The following COL6A1 variants were observed in gnomAD, a reference collection of about 807,000 sequenced individuals.
The protein encoded by COL6A1 is collagen alpha-1(VI) chain.
In COL6A1, 80 loss-of-function variants were observed where a neutral mutation model predicts 145.6. The ratio of observed to expected loss-of-function variants is 0.55; its 90% confidence interval spans 0.46 to 0.66. The LOEUF (loss-of-function observed/expected upper bound fraction) is 0.66. COL6A1 is among the 30% of genes least tolerant of loss of function. The pLI, the probability that COL6A1 is intolerant of heterozygous loss-of-function variation, is 0.00. For synonymous variants in COL6A1, 638 were observed against 622.8 expected, an observed-to-expected ratio of 1.02 and a Z score of -0.36; for missense variants, 1,364 against 1,473.8, an observed-to-expected ratio of 0.93 and a Z score of 1.22.
chr21:45,994,123 C>T lies in COL6A1; in HGVS notation c.1336-44C>T. On this transcript the variant is annotated intron_variant, in intron 19 of 34. Coordinates refer to ENST00000361866, the MANE Select transcript of COL6A1 (RefSeq NM_001848.3). The surrounding 1 kb of genome is among the most constrained non-coding windows in gnomAD (Gnocchi z 6.8). The stretch of plus-strand genomic sequence containing the variant: ...CAGCGTGCCCGGGCAGCCATCCTCC[C>T]CAAGGATGGCCCAGCTCCACACTCA... 6.4e-7 allele frequency: 1 copy of T among 1,563,902 alleles called. No homozygotes were observed. The highest frequency in any genetic ancestry group is 8.7e-7 in the Non-Finnish European group (1 of 1,152,142).
rs559158458 is a variant in COL6A1, at chr21:45,986,661, G to A, written c.564G>A (p.Ser188=). Residue 188 remains serine, a synonymous_variant, in exon 4 of 35, where the codon TCG becomes TCA. Coordinates refer to ENST00000361866, the MANE Select transcript of COL6A1 (RefSeq NM_001848.3). ...EAKHLGVKVF[S]VAITPDHLEP... is the part of the protein sequence containing the mutation. ...AGCACCTGGGCGTCAAAGTCTTCTC[G>A]GTGGCCATCACACCCGACCACCTGG... 11 of 1,549,904 alleles carry A rather than the reference G, an allele frequency of 7.1e-6. No homozygotes were observed. The highest frequency in any genetic ancestry group is 1.4e-5 in the African/African-American group (1 of 73,130).
rs776053111 is a variant in COL6A1 at position 46,003,655 on chromosome 21, T to G, written c.2729T>G (p.Ile910Ser). The change falls in exon 35 of 35, where the codon ATC becomes AGC. Residue 910 changes from isoleucine (I) to serine (S), a missense_variant. By Grantham distance (142) the Ile-to-Ser change is moderately radical. Coordinates refer to ENST00000361866, the MANE Select transcript of COL6A1 (RefSeq NM_001848.3). ...AGTGCCGTCGATGCCATGGACTTTATCAACGACGCCACCGACGTCAACGAT... is the reference window on the plus strand; with the variant it reads ...AGTGCCGTCGATGCCATGGACTTTAGCAACGACGCCACCGACGTCAACGAT... ...LASAVDAMDF[I>S]NDATDVNDAL... is the part of the protein sequence containing the mutation. 3.7e-6 allele frequency: 6 copies of G among 1,613,040 alleles called. No homozygotes were observed. The highest frequency in any genetic ancestry group is 5.1e-6 in the Non-Finnish European group (6 of 1,179,932).
At chr21:45,985,329 G>T (rs552413814) in intron 3 of COL6A1, among the ~76,000 whole-genome samples, 16 of 151,546 alleles carry the variant, frequency 1.1e-4, no homozygotes, top group African/African-American at 3.1e-4. Flanking sequence ...GATAGAAGCA[G>T]AGAGAGAGAG....
intron 33 of COL6A1, 82 bp from the exon 34 acceptor site, chr21:46,003,038 G>A (rs528754609): frequency 1.4e-4 from 230 of 1,603,454 alleles, no homozygotes; most frequent in Non-Finnish European, 1.7e-4. Flanking sequence ...CCCTGTGCTC[G>A]GCCGGGAGGT....
At chr21:45,995,842 C>T (rs985402870) in intron 20 of COL6A1, among the ~76,000 whole-genome samples, 2 of 152,210 alleles carry the variant, frequency 1.3e-5, no homozygotes, top group African/African-American at 4.8e-5. Context: ...CCTGGAGCCT[C>T]CCTGGGGCCT....
In COL6A1 at chr21:45,992,995, T is replaced by C. The variant is rs116133651; in HGVS notation, c.1335+185T>C. ...AGCCGGCGCCCAGCCATGTGCCTGA[T>C]GCTGGGACCTGTTTCATGTGAAGGC... On this transcript the variant is annotated intron_variant, in intron 19 of 34. Coordinates refer to ENST00000361866, the MANE Select transcript of COL6A1 (RefSeq NM_001848.3). 0.017 allele frequency among the ~76,000 whole-genome samples: 2,575 copies of C among 152,348 alleles called. 75 individuals carry two copies. Among genetic ancestry groups the C allele is most frequent in the African/African-American group, 0.059 (2,434 of 41,578 alleles).
In COL6A1 at chr21:45,994,149, C is replaced by T. The variant is rs201516559; in HGVS notation, c.1336-18C>T. The T allele has an allele frequency of 4.8e-5, 77 of 1,589,196 alleles. No homozygotes were observed. The highest frequency in any genetic ancestry group is 2.1e-4 in the East Asian group (9 of 43,792). On this transcript the variant is annotated intron_variant, in intron 19 of 34. Transcript: ENST00000361866. This position sits in a 1 kb window ranked among gnomAD's most constrained non-coding sequence, Gnocchi z 6.8. ...CAAGGATGGCCCAGCTCCACACTCA[C>T]GGCTCGTTTCTCTTCAGGGTGAAGC...
chr21:45,997,862 CG>C, intron 22 of COL6A1, 100 bp downstream of exon 22: 2 of 1,375,950 alleles, frequency 1.5e-6, no homozygotes, highest in Non-Finnish European at 2.0e-6. Context: ...GGTCCCTGAC[CG>C]GGCCGGGAGT....
intron 29 of COL6A1, chr21:46,001,026 A>G (rs1434323981): frequency 4.2e-6 from 3 of 710,142 alleles, no homozygotes; most frequent in South Asian, 3.6e-5. Context: ...TCTGGCCCAC[A>G]GGCCCCACCC....
rs1438456346 is a variant in COL6A1 at position 45,989,780 on chromosome 21, T to C, written c.930+2T>C. 1.2e-6 allele frequency: 2 copies of C among 1,612,554 alleles called. No individual in the cohort carries two copies. Among genetic ancestry groups the C allele is most frequent in the Non-Finnish European group, 1.7e-6 (2 of 1,179,948 alleles). On this transcript the variant is annotated splice_donor_variant, in intron 11 of 34. Coordinates refer to ENST00000361866, the MANE Select transcript of COL6A1 (RefSeq NM_001848.3). LOFTEE classifies it high-confidence loss of function. ...GAAAAAGGGAGCCGTGGGGAGAAGG[T>C]GAGTGAGGCTCGACCTCGGAGCTGG...
rs140547835 is a variant in COL6A1, at chr21:46,002,700, G to T, written c.2424G>T (p.Gln808His). The change falls in exon 33 of 35, where the codon CAG becomes CAT. Residue 808 changes from glutamine to histidine, a missense_variant. By Grantham distance (24) the Gln-to-His change is conservative (BLOSUM62 0). Coordinates refer to ENST00000361866, the MANE Select transcript of COL6A1 (RefSeq NM_001848.3). Reference protein sequence around the residue: ...EDAFLKNVTAQICIDKKCPDY... With the variant: ...EDAFLKNVTAHICIDKKCPDY... ...CCTTCCTGAAGAATGTCACCGCCCA[G>T]ATCTGCATAGGTGCGCATGGGGCCA... The T allele has an allele frequency of 5.5e-3, 8,919 of 1,611,966 alleles. 336 individuals carry two copies. In the Admixed American group the frequency reaches 0.063, roughly 11 times the overall value.
chr21:45,987,705 G>T lies in COL6A1; in HGVS notation c.804+51G>T, dbSNP rs775067232. On this transcript the variant is annotated intron_variant, in intron 8 of 34. Coordinates refer to ENST00000361866, the MANE Select transcript of COL6A1 (RefSeq NM_001848.3). ...ATGTGTTGTGGGGCCTGGGAGTGGG[G>T]GTGGCAGGACCAAAGCCTCCTGGGC... is the stretch of plus-strand genomic sequence containing the variant. 3.8e-6 allele frequency: 6 copies of T among 1,572,000 alleles called. No individual in the cohort carries two copies. In the African/African-American group the frequency reaches 8.1e-5, roughly 21 times the overall value.
chr21:46,004,087 A>T lies in COL6A1; in HGVS notation c.*74A>T. ...TCATCACTAAACAGAGTAAAATGTG[A>T]TGCGAATTTTCCCGACCAACCTGAT... is the stretch of plus-strand genomic sequence containing the variant. On this transcript the variant is annotated 3_prime_UTR_variant, in exon 35 of 35. Transcript: ENST00000361866. 6.4e-7 allele frequency: 1 copy of T among 1,568,734 alleles called. No individual in the cohort carries two copies. The highest frequency in any genetic ancestry group is 2.3e-5 in the East Asian group (1 of 44,202).
chr21:45,996,085 T>C (rs1438310972), intron 20 of COL6A1, among the ~76,000 whole-genome samples: 1 of 152,246 alleles, frequency 6.6e-6, no homozygotes, highest in Non-Finnish European at 1.5e-5. Flanking sequence ...TGAGGTGCTC[T>C]GCAGAAACTG....
chr21:46,000,537 G>C (rs1474084065), intron 28 of COL6A1, among the ~76,000 whole-genome samples, 170 bp downstream of exon 28: 1 of 152,150 alleles, frequency 6.6e-6, no homozygotes, highest in Non-Finnish European at 1.5e-5. Context: ...CCAGGCCCCC[G>C]GGTCCCCGCA....
At chr21:45,986,299 C>T (rs1305314602) in intron 3 of COL6A1, among the ~76,000 whole-genome samples, 1 of 152,192 alleles carries the variant, frequency 6.6e-6, no homozygotes, top group Non-Finnish European at 1.5e-5. Context: ...ATGGGTGCCT[C>T]TCCTGGGAGG....
chr21:45,990,886 G>A, intron 14 of COL6A1, 60 bp downstream of exon 14: 1 of 1,609,274 alleles, frequency 6.2e-7, no homozygotes, highest in Admixed American at 1.7e-5. Context: ...ACCTCGTGTG[G>A]ACCGTTTTGA....
intron 20 of COL6A1, 25 bp from the exon 21 acceptor site, chr21:45,997,396 A>G (rs751028227): frequency 3.1e-6 from 5 of 1,611,652 alleles, no homozygotes; most frequent in East Asian, 4.5e-5. Context: ...CTGTGGTCCA[A>G]CGTGCCATAT....
intron 20 of COL6A1, among the ~76,000 whole-genome samples, chr21:45,997,144 C>T (rs1315712634): frequency 6.2e-5 from 8 of 128,042 alleles, no homozygotes; most frequent in East Asian, 2.0e-4. Flanking sequence ...AGCCGGGCGC[C>T]CACCAAAGTC....
Sources: allele counts gnomAD v4.1 joint callset (sites outside exome capture counted in the v4.1 genomes callset), GRCh38; gene constraint gnomAD v4.1.1; non-coding constraint Gnocchi (gnomAD v3.1); transcripts MANE v1.5; gene names NCBI Gene and HGNC (gene_info 2026-07-23, HGNC 2026-07-21).